RACGAP1: variants seen among roughly 807,000 people sequenced by gnomAD.
RACGAP1 encodes Rac GTPase activating protein 1, also known as rac GTPase-activating protein 1.
In RACGAP1, 30 loss-of-function variants were observed where a neutral mutation model predicts 78.1. The observed-to-expected ratio is 0.38, with a 90% confidence interval of 0.29 to 0.52. The LOEUF (loss-of-function observed/expected upper bound fraction) is 0.52. RACGAP1 is among the 20% of genes least tolerant of loss of function. The pLI is 0.82. For synonymous variants in RACGAP1, 231 were observed against 264.8 expected, an observed-to-expected ratio of 0.87 and a Z score of 1.24; for missense variants, 587 against 777.1, an observed-to-expected ratio of 0.76 and a Z score of 2.91.
chr12:50,027,292 G>C (rs1339996495), upstream of RACGAP1, among the ~76,000 whole-genome samples: 1 of 152,152 alleles, frequency 6.6e-6, no homozygotes, highest in East Asian at 1.9e-4. Context: ...GCCTGTGCCT[G>C]CTTAGATACC....
intron 5 of RACGAP1, 37 bp downstream of exon 5, chr12:50,004,198 A>G (rs760988998): frequency 1.3e-6 from 2 of 1,585,820 alleles, no homozygotes; most frequent in South Asian, 2.2e-5. Context: ...CAGAGGTAAG[A>G]AAAGTAGGTA....
Position 50,009,572 on chromosome 12 carries a change from T to C in RACGAP1, c.86-2936A>G, listed in dbSNP as rs932701491. Among the ~76,000 whole-genome samples, 29 of 152,304 alleles carry C rather than the reference T, an allele frequency of 1.9e-4. 3 individuals are homozygous for C. Among genetic ancestry groups the C allele is most frequent in the Admixed American group, 1.6e-3 (25 of 15,288 alleles). ...AAAGACAAAGACCCTATGTCTCCTT[T>C]GCTCTTTTATCTCCAGTGTTGTAAC... On this transcript the variant is annotated intron_variant, in intron 2 of 16. Transcript: ENST00000312377.
chr12:50,025,456 G>C lies in RACGAP1; in HGVS notation c.-63C>G, dbSNP rs1057080168. ...CACTTCGCTCCGCGCCTCACCCAAC[G>C]GCAGAGCAGCGCCGCGCCCACAGCT... On this transcript the variant is annotated 5_prime_UTR_variant, in exon 1 of 17. Transcript: ENST00000312377. 4.1e-6 allele frequency: 4 copies of C among 985,548 alleles called. No homozygotes were observed. The South Asian group carries it at 1.4e-4, about 35-fold the overall frequency. The allele number at this position is 985,548 out of a possible 1,614,324, so 61.1% of individuals were successfully genotyped here.
At chr12:49,990,627 T>G (rs1225939225) in intron 16 of RACGAP1, 57 bp downstream of exon 16, 12 of 1,353,466 alleles carry the variant, frequency 8.9e-6, no homozygotes, top group Non-Finnish European at 1.1e-5. Flanking sequence ...TTCAATATAA[T>G]AAGAAGTCTA....
intron 10 of RACGAP1, among the ~76,000 whole-genome samples, chr12:49,996,494 G>C (rs567454281): frequency 2.6e-5 from 4 of 151,356 alleles, no homozygotes; most frequent in African/African-American, 7.3e-5. Flanking sequence ...AAAATTAGCC[G>C]GGCATGGTGG....
intron 3 of RACGAP1, among the ~76,000 whole-genome samples, chr12:50,005,895 C>T (rs2137441677): frequency 6.6e-6 from 1 of 152,292 alleles, no homozygotes; most frequent in African/African-American, 2.4e-5. Context: ...TAAAGGCTTT[C>T]CTTTGCATTA....
At chr12:49,997,399 C>T (rs1400102841) in intron 9 of RACGAP1, among the ~76,000 whole-genome samples, 195 bp from the exon 10 acceptor site, 5 of 151,630 alleles carry the variant, frequency 3.3e-5, no homozygotes, top group East Asian at 1.9e-4. Flanking sequence ...CTCAGCCTCC[C>T]GAGTAACTGG....
At chr12:50,019,130 C>T (rs1369277967) in intron 1 of RACGAP1, among the ~76,000 whole-genome samples, 1 of 152,168 alleles carries the variant, frequency 6.6e-6, no homozygotes, top group Admixed American at 6.6e-5. Flanking sequence ...CCCCTTCCCA[C>T]AGCATAATCA....
At chr12:50,022,688 A>G (rs1950075418) in intron 1 of RACGAP1, among the ~76,000 whole-genome samples, 3 of 152,244 alleles carry the variant, frequency 2.0e-5, no homozygotes, top group Admixed American at 6.5e-5. Flanking sequence ...TGCCCATTTT[A>G]CACTCTTATT....
intron 5 of RACGAP1, among the ~76,000 whole-genome samples, chr12:50,003,324 G>A (rs1315156048): frequency 1.3e-5 from 2 of 152,042 alleles, no homozygotes; most frequent in East Asian, 1.9e-4. Context: ...AAGAAATATC[G>A]TATCATAGGT....
intron 12 of RACGAP1, among the ~76,000 whole-genome samples, chr12:49,993,213 GAAAT>G (rs1020116849): frequency 1.4e-4 from 21 of 152,072 alleles, no homozygotes; most frequent in African/African-American, 4.8e-4. Flanking sequence ...AAATATGAAA[GAAAT>G]AAAGGAGCAA....
At chr12:50,020,749 G>A (rs1258597634) in intron 1 of RACGAP1, among the ~76,000 whole-genome samples, 6 of 152,086 alleles carry the variant, frequency 3.9e-5, no homozygotes, top group African/African-American at 1.4e-4. Flanking sequence ...CTGGAACCCA[G>A]ACCAAGAAGA....
At chr12:50,017,132 T>C (rs1039852619) in intron 1 of RACGAP1, 4 of 961,636 alleles carry the variant, frequency 4.2e-6, no homozygotes, top group Admixed American at 5.9e-5. Context: ...AAATATCTAT[T>C]TTTAATTTCA....
Position 49,992,058 on chromosome 12 carries a change from G to T in RACGAP1, c.1654C>A (p.Pro552Thr), listed in dbSNP as rs778472178. 1.1e-5 allele frequency: 18 copies of T among 1,614,004 alleles called. No homozygotes were observed. The highest frequency in any genetic ancestry group is 1.5e-5 in the Non-Finnish European group (18 of 1,179,978). The change falls in exon 15 of 17, where the codon CCC becomes ACC. Residue 552 changes from proline to threonine, a missense_variant. Physicochemically the swap from Pro to Thr is conservative, Grantham distance 38. Coordinates refer to ENST00000312377, the MANE Select transcript of RACGAP1 (RefSeq NM_001319999.2). Reference protein sequence around the residue: ...FMMVEQENIDPLHVIENSNAF... With the variant: ...FMMVEQENIDTLHVIENSNAF... Reference sequence around the variant, plus strand: ...TTTGAGTTTTCAATGACATGTAGGGGGTCAATGTTCTCTTGCTCCACCATC... The same window carrying T: ...TTTGAGTTTTCAATGACATGTAGGGTGTCAATGTTCTCTTGCTCCACCATC...
In RACGAP1 at chr12:50,004,315, G is replaced by T. The variant is rs757098296; in HGVS notation, c.426-11C>A. The T allele has an allele frequency of 6.3e-7, 1 of 1,585,716 alleles. No homozygotes were observed. Among genetic ancestry groups the T allele is most frequent in the Non-Finnish European group, 8.6e-7 (1 of 1,158,770 alleles). On this transcript the variant is annotated splice_polypyrimidine_tract_variant and intron_variant, in intron 4 of 16. Transcript: ENST00000312377. ...TCAATGGTTGATAGTCTAGATCAGT[G>T]AAACAATACAACGTTAGACATGGTA...
Position 49,992,079 on chromosome 12 carries a change from C to A in RACGAP1, c.1633G>T (p.Val545Leu). The change falls in exon 15 of 17, where the codon GTG becomes TTG. Residue 545 changes from valine (V) to leucine (L), a missense_variant. Physicochemically the swap from Val to Leu is conservative, Grantham distance 32. Coordinates refer to ENST00000312377, the MANE Select transcript of RACGAP1 (RefSeq NM_001319999.2). ...PLEYWSQFMM[V>L]EQENIDPLHV... ...AGGGGGTCAATGTTCTCTTGCTCCA[C>A]CATCATGAACTGACTCCAATACTCC... 6.2e-7 allele frequency: 1 copy of A among 1,614,102 alleles called. No individual in the cohort carries two copies.
intron 15 of RACGAP1, among the ~76,000 whole-genome samples, chr12:49,991,480 T>TATATATATATATATA (rs1555169073): frequency 7.4e-3 from 98 of 13,172 alleles, no homozygotes; most frequent in East Asian, 0.028. Context: ...TATATATATA[T>TATATATATATATATA]TTTTTTTTTT....
intron 2 of RACGAP1, among the ~76,000 whole-genome samples, chr12:50,011,949 G>GTC (rs1565690363): frequency 1.8e-5 from 2 of 112,524 alleles, no homozygotes; most frequent in African/African-American, 7.6e-5. Context: ...GCGAGACTCC[G>GTC]TCTCAAAAAA....
intron 12 of RACGAP1, 41 bp downstream of exon 12, chr12:49,994,090 C>A: frequency 6.6e-7 from 1 of 1,514,200 alleles, no homozygotes; most frequent in Non-Finnish European, 9.1e-7. Flanking sequence ...AAAACTACTG[C>A]CGTGGAGGAA....
Sources: allele counts gnomAD v4.1 joint callset (sites outside exome capture counted in the v4.1 genomes callset), GRCh38; gene constraint gnomAD v4.1.1; transcripts MANE v1.5; gene names NCBI Gene and HGNC (gene_info 2026-07-23, HGNC 2026-07-21).